ATP9A: variants seen among roughly 807,000 people sequenced by gnomAD.
The protein encoded by ATP9A is ATPase phospholipid transporting 9A.
ATP9A carries 52 observed loss-of-function variants against 144.1 expected under a neutral mutation model. The observed-to-expected ratio is 0.36, with a 90% CI of 0.29 to 0.45. The LOEUF (loss-of-function observed/expected upper bound fraction) is 0.45. ATP9A is among the 20% of genes least tolerant of loss of function. The pLI is 1.00. For missense variants in ATP9A, 947 were observed against 1,392.7 expected (o/e 0.68, Z 5.09); for synonymous variants, 582 against 557.4 (o/e 1.04, Z -0.62).
chr20:51,722,252 T>C (rs954514964), intron 3 of ATP9A, among the ~76,000 whole-genome samples: 3 of 152,176 alleles, frequency 2.0e-5, no homozygotes, highest in African/African-American at 7.2e-5. Context: ...GAAGGTAACA[T>C]TGGAAAAACC....
intron 7 of ATP9A, among the ~76,000 whole-genome samples, chr20:51,692,572 T>C (rs1048227443): frequency 6.6e-6 from 1 of 151,776 alleles, no homozygotes; most frequent in Non-Finnish European, 1.5e-5. Flanking sequence ...GAAGCTGAGG[T>C]GGGTGGATCA....
In ATP9A at chr20:51,721,817, A is replaced by AG. The variant is rs1424405368; in HGVS notation, c.327+4001_327+4002insC. Among the ~76,000 whole-genome samples, 81 of 144,204 alleles carry AG rather than the reference A, an allele frequency of 5.6e-4. 1 individual carries two copies. Among genetic ancestry groups the AG allele is most frequent in the South Asian group, 1.1e-3 (5 of 4,594 alleles). The allele number at this position is 144,204 out of a possible 152,430, so 94.6% of individuals were successfully genotyped here. A position where few individuals can be genotyped will look rare whatever the true frequency, so the allele number is the denominator to read the frequency against. On this transcript the variant is annotated intron_variant, in intron 3 of 27. Coordinates refer to ENST00000338821, the MANE Select transcript of ATP9A (RefSeq NM_006045.3). ...CTCCATCTCAAAAAAAAAAAAAAAG[A>AG]AAAAGAAAAAAGAAAAAACAATTCT...
rs554236269 is a variant in ATP9A, at chr20:51,676,064, C to T, written c.876+68G>A. The T allele has an allele frequency of 4.9e-5, 58 of 1,181,042 alleles. 1 individual carries two copies. The South Asian group carries it at 5.6e-4, about 11-fold the overall frequency. 73.2% of individuals were successfully genotyped at this position (1,181,042 alleles called of 1,614,324 possible). A position where few individuals can be genotyped will look rare whatever the true frequency, so the allele number is the denominator to read the frequency against. ...CTCTTAGGTGTTCCTATTTTAATAT[C>T]TCGTCACTCACCCACCAGAACCAAC... On this transcript the variant is annotated intron_variant, in intron 10 of 27. Coordinates refer to ENST00000338821, the MANE Select transcript of ATP9A (RefSeq NM_006045.3).
chr20:51,651,301 AT>A (rs1280000756), intron 14 of ATP9A, among the ~76,000 whole-genome samples: 3 of 126,466 alleles, frequency 2.4e-5, no homozygotes, highest in Admixed American at 8.1e-5. Flanking sequence ...TATAATATAT[AT>A]TTACATAATA....
chr20:51,701,842 C>T (rs994684075), intron 4 of ATP9A, among the ~76,000 whole-genome samples: 1 of 152,162 alleles, frequency 6.6e-6, no homozygotes, highest in Non-Finnish European at 1.5e-5. Context: ...GGACTTCTTG[C>T]CCCATGTTGT....
chr20:51,725,906 A>T lies in ATP9A; in HGVS notation c.240T>A (p.Phe80Leu). ...PGVLFNQFKY[F>L]FNLYFLLLAC... ...CAAGAAGTAAGAAATAGAGGTTGAA[A>T]AAGTATTTGAACTGGTTGAACAGCA... Residue 80 changes from phenylalanine to leucine, a missense_variant, in exon 3 of 28, where the codon TTT (phenylalanine) becomes TTA (leucine). Coordinates refer to ENST00000338821, the MANE Select transcript of ATP9A (RefSeq NM_006045.3). The T allele has an allele frequency of 6.2e-7, 1 of 1,613,226 alleles. No individual in the cohort carries two copies. The highest frequency in any genetic ancestry group is 8.5e-7 in the Non-Finnish European group (1 of 1,179,116).
chr20:51,692,284 A>G (rs2077551754), intron 7 of ATP9A, among the ~76,000 whole-genome samples: 1 of 152,258 alleles, frequency 6.6e-6, no homozygotes, highest in Non-Finnish European at 1.5e-5. Flanking sequence ...TTTTTTAAAA[A>G]GCAAACAAGA....
At chr20:51,630,673 C>A (rs2077266498) in intron 15 of ATP9A, among the ~76,000 whole-genome samples, 1 of 152,010 alleles carries the variant, frequency 6.6e-6, no homozygotes, top group Admixed American at 6.6e-5. Context: ...TGCTCTCCAA[C>A]CTGGGCAACA....
rs74175572 is a variant in ATP9A at position 51,712,074 on chromosome 20, CT to C, written c.436+891del. Among the ~76,000 whole-genome samples, 476 of 98,798 alleles carry C rather than the reference CT, an allele frequency of 4.8e-3. 1 individual carries two copies. The highest frequency in any genetic ancestry group is 0.013 in the African/African-American group (345 of 26,850). 64.8% of individuals were successfully genotyped at this position (98,798 alleles called of 152,430 possible). ...TTTCCACCATGTTGGCCAGGCTGGT[CT>C]TTTTTTTTTTTTTTTGAGATGGAGT... is the stretch of plus-strand genomic sequence containing the variant. On this transcript the variant is annotated intron_variant, in intron 4 of 27. Transcript: ENST00000338821.
At chr20:51,651,374 C>CATTATATATA (rs1555833009) in intron 14 of ATP9A, among the ~76,000 whole-genome samples, 2 of 93,740 alleles carry the variant, frequency 2.1e-5, no homozygotes, top group Non-Finnish European at 4.6e-5. Flanking sequence ...ATATATATTT[C>CATTATATATA]TTTACATATT....
intron 13 of ATP9A, among the ~76,000 whole-genome samples, chr20:51,664,868 C>T (rs550097416): frequency 1.3e-4 from 20 of 151,068 alleles, no homozygotes; most frequent in Middle Eastern, 3.4e-3. Flanking sequence ...TACAGGTGCC[C>T]GCCACCACCC....
chr20:51,639,235 T>G (rs2077308162), intron 15 of ATP9A, 108 bp downstream of exon 15: 1 of 1,216,800 alleles, frequency 8.2e-7, no homozygotes, highest in Admixed American at 2.4e-5. Flanking sequence ...TTAGTCTGGG[T>G]GACAGATACC....
rs941262201 is a variant in ATP9A at position 51,664,666 on chromosome 20, A to T, written c.1293+5331T>A. On this transcript the variant is annotated intron_variant, in intron 13 of 27. Coordinates refer to ENST00000338821, the MANE Select transcript of ATP9A (RefSeq NM_006045.3). ...CTCACACAATTAGCTAATATCTCAA[A>T]ATAACATATACTTGGGGTAAGGAAC... 1.2e-4 allele frequency among the ~76,000 whole-genome samples: 19 copies of T among 152,276 alleles called. No homozygotes were observed. In the East Asian group the frequency reaches 3.7e-3, roughly 29 times the overall value.
intron 2 of ATP9A, among the ~76,000 whole-genome samples, chr20:51,727,246 G>A (rs1882391654): frequency 6.6e-6 from 1 of 151,166 alleles, no homozygotes; most frequent in South Asian, 2.1e-4. Context: ...CTACACTCCA[G>A]CCTGGGTGAC....
At position 51,757,415 on chromosome 20, in the gene ATP9A, CTG is replaced by C. The variant is rs141966778; in HGVS notation, c.68+10885_68+10886del. Among the ~76,000 whole-genome samples the C allele has an allele frequency of 6.6e-3, 1,002 of 152,312 alleles. 10 individuals carry two copies. Among genetic ancestry groups the C allele is most frequent in the African/African-American group, 0.023 (953 of 41,568 alleles). The stretch of plus-strand genomic sequence containing the variant: ...AGCAGGGCACTGTTGACACTACAAA[CTG>C]ATTCTTCCTTGGGGACCGCCGCCAA... On this transcript the variant is annotated intron_variant, in intron 1 of 27. Coordinates refer to ENST00000338821, the MANE Select transcript of ATP9A (RefSeq NM_006045.3).
rs375821094 is a variant in ATP9A at position 51,691,384 on chromosome 20, G to A, written c.643-565C>T. Among the ~76,000 whole-genome samples, 11 of 152,282 alleles carry A rather than the reference G, an allele frequency of 7.2e-5. No individual in the cohort carries two copies. The East Asian group carries it at 1.5e-3, about 21-fold the overall frequency. Reference sequence around the variant, plus strand: ...CTCAGGAGGCTGAGGCAGGAGAATCGCTTGAACCCAGGAGGTGAAGGTTGC... The same window carrying A: ...CTCAGGAGGCTGAGGCAGGAGAATCACTTGAACCCAGGAGGTGAAGGTTGC... On this transcript the variant is annotated intron_variant, in intron 7 of 27. Coordinates refer to ENST00000338821, the MANE Select transcript of ATP9A (RefSeq NM_006045.3).
At chr20:51,665,113 C>T (rs2077427312) in intron 13 of ATP9A, among the ~76,000 whole-genome samples, 1 of 152,144 alleles carries the variant, frequency 6.6e-6, no homozygotes, top group Admixed American at 6.5e-5. Context: ...CCGGAAGAAC[C>T]TTGCAAATAC....
At chr20:51,707,073 C>T (rs1456450282) in intron 4 of ATP9A, among the ~76,000 whole-genome samples, 1 of 152,192 alleles carries the variant, frequency 6.6e-6, no homozygotes, top group Admixed American at 6.5e-5. Flanking sequence ...CCGTCACAGG[C>T]TGCAGCTTTG....
intron 14 of ATP9A, among the ~76,000 whole-genome samples, chr20:51,653,633 A>C (rs1210620780): frequency 6.6e-6 from 1 of 152,128 alleles, no homozygotes; most frequent in Non-Finnish European, 1.5e-5. Context: ...CTAAAAATAC[A>C]AAAATTTGCC....
Sources: allele counts gnomAD v4.1 joint callset (sites outside exome capture counted in the v4.1 genomes callset), GRCh38; gene constraint gnomAD v4.1.1; transcripts MANE v1.5; gene names NCBI Gene and HGNC (gene_info 2026-07-23, HGNC 2026-07-21).